Variants in CFAP47 observed in about 807,000 individuals in gnomAD.
The protein encoded by CFAP47 is cilia and flagella associated protein 47, also known as cilia- and flagella-associated protein 47.
Under a neutral mutation model 148.1 loss-of-function variants are expected in CFAP47, and 29 were observed. The observed-to-expected ratio is 0.20, with a 90% CI of 0.15 to 0.27. The LOEUF (loss-of-function observed/expected upper bound fraction) is 0.27, where lower values mean the gene tolerates loss of function less well. CFAP47 is among the 10% of genes least tolerant of loss of function. The pLI is 1.00. For synonymous variants in CFAP47, 664 were observed against 577.3 expected (o/e 1.15, Z -2.15); for missense variants, 1,872 against 1,697.5 (o/e 1.10, Z -1.81).
At chrX:35,990,646 C>T (rs1444059055) in intron 16 of CFAP47, among the ~76,000 whole-genome samples, 1 of 111,422 alleles carries the variant, frequency 9.0e-6, no homozygotes, top group Non-Finnish European at 1.9e-5. Context: ...TTTCCTTTTG[C>T]ACTGCACATG....
chrX:35,937,679 A>G (rs187108451), intron 2 of CFAP47, among the ~76,000 whole-genome samples: 34 of 111,037 alleles, frequency 3.1e-4, no homozygotes, highest in African/African-American at 1.1e-3. Flanking sequence ...TCTAAATTGT[A>G]TATACTCAGT....
rs2146874953 is a variant in CFAP47, at chrX:36,189,986, T to C, written c.6176-65T>C. The stretch of plus-strand genomic sequence containing the variant: ...ATGAACATTTTTTGATACCAAAACT[T>C]TAATCACTAAATGAACAGCACTTAC... On this transcript the variant is annotated intron_variant, in intron 41 of 63. Transcript: ENST00000378653. The C allele has an allele frequency of 1.0e-5, 3 of 293,656 alleles. No individual in the cohort carries two copies. In the East Asian group the frequency reaches 1.4e-4, roughly 14 times the overall value. 24.2% of individuals were successfully genotyped at this position (293,656 alleles called of 1,213,427 possible).
intron 24 of CFAP47, among the ~76,000 whole-genome samples, chrX:36,038,407 G>A (rs1937363754): frequency 8.9e-6 from 1 of 112,356 alleles, no homozygotes; most frequent in South Asian, 3.7e-4. Context: ...TCAGCTTCCC[G>A]TGTTGAGCCC....
At chrX:36,059,971 C>G (rs894159800) in intron 26 of CFAP47, among the ~76,000 whole-genome samples, 9 of 111,142 alleles carry the variant, frequency 8.1e-5, no homozygotes, top group Non-Finnish European at 1.5e-4. Flanking sequence ...ACTCCTCCCT[C>G]TCTTCCTTCC....
At chrX:36,209,266 C>T (rs1295124520) in intron 45 of CFAP47, among the ~76,000 whole-genome samples, 14 of 111,148 alleles carry the variant, frequency 1.3e-4, no homozygotes, top group African/African-American at 4.2e-4. Flanking sequence ...TTATTATATT[C>T]GTCACATTAG....
At chrX:36,029,797 C>A (rs1187960791) in intron 22 of CFAP47, among the ~76,000 whole-genome samples, 1 of 109,776 alleles carries the variant, frequency 9.1e-6, no homozygotes, top group Non-Finnish European at 1.9e-5. Flanking sequence ...TTGCCATTTT[C>A]CTCATCTTTT....
chrX:35,975,135 A>T lies in CFAP47; in HGVS notation c.2255-12A>T, dbSNP rs908759901. On this transcript the variant is annotated splice_polypyrimidine_tract_variant and intron_variant, in intron 13 of 63. Transcript: ENST00000378653. ...CTTTAAACTTAACAAAATACTTTTC[A>T]TTTTTTTTCAGGGCCTTCTGTCCTT... is the stretch of plus-strand genomic sequence containing the variant. 1.0e-5 allele frequency: 11 copies of T among 1,053,308 alleles called. No individual in the cohort carries two copies. Among genetic ancestry groups the T allele is most frequent in the Admixed American group, 5.9e-5 (2 of 33,977 alleles). 86.8% of individuals were successfully genotyped at this position (1,053,308 alleles called of 1,213,427 possible). A position where few individuals can be genotyped will look rare whatever the true frequency, so the allele number is the denominator to read the frequency against.
intron 45 of CFAP47, among the ~76,000 whole-genome samples, chrX:36,225,158 T>G (rs147136367): frequency 0.015 from 1,632 of 111,548 alleles, 18 homozygotes; most frequent in African/African-American, 0.05. Flanking sequence ...CTGAGTTGAG[T>G]AGGGATGGAA....
chrX:36,285,495 T>G (rs782532522), intron 50 of CFAP47, 134 bp from the exon 51 acceptor site: 47 of 394,597 alleles, frequency 1.2e-4, no homozygotes, highest in African/African-American at 1.0e-3. Context: ...TTCTCACCCT[T>G]TCTTCAGCTG....
intron 45 of CFAP47, among the ~76,000 whole-genome samples, chrX:36,225,877 C>CA (rs1262503056): frequency 2.7e-5 from 3 of 110,795 alleles, no homozygotes; most frequent in Non-Finnish European, 5.7e-5. Flanking sequence ...GTCTTGAGAG[C>CA]AAGTAGTTTG....
intron 22 of CFAP47, among the ~76,000 whole-genome samples, chrX:36,022,946 T>C (rs1937175898): frequency 8.9e-6 from 1 of 112,479 alleles, no homozygotes; most frequent in African/African-American, 3.2e-5. Context: ...TGTTTCTGAT[T>C]CTCCAGGATT....
intron 55 of CFAP47, among the ~76,000 whole-genome samples, chrX:36,308,565 C>T: frequency 9.0e-6 from 1 of 111,275 alleles, no homozygotes; most frequent in Non-Finnish European, 1.9e-5. Context: ...TATGTATGAA[C>T]AGGCATCTAA....
rs143578282 is a variant in CFAP47, at chrX:36,220,764, A to G, written c.6818-7864A>G. Among the ~76,000 whole-genome samples the G allele has an allele frequency of 6.5e-3, 723 of 111,727 alleles. 10 individuals are homozygous for G. The highest frequency in any genetic ancestry group is 0.022 in the African/African-American group (685 of 30,875). On this transcript the variant is annotated intron_variant, in intron 45 of 63. Transcript: ENST00000378653. Reference sequence around the variant, plus strand: ...ACAATAGAAGAATACCTAAATTTACACGTAGATAGATAGGTCATAGTGAAA... The same window carrying G: ...ACAATAGAAGAATACCTAAATTTACGCGTAGATAGATAGGTCATAGTGAAA...
chrX:36,071,720 AG>A, intron 27 of CFAP47, 104 bp from the exon 28 acceptor site: 1 of 643,509 alleles, frequency 1.6e-6, no homozygotes, highest in African/African-American at 2.3e-5. Flanking sequence ...ATACATAGAT[AG>A]ATATATACAT....
At chrX:35,998,493 G>A (rs773784002) in intron 19 of CFAP47, among the ~76,000 whole-genome samples, 1 of 111,252 alleles carries the variant, frequency 9.0e-6, no homozygotes, top group Non-Finnish European at 1.9e-5. Context: ...GGGGCTATTT[G>A]TACTTTTGTT....
chrX:35,994,391 T>G (rs1936822991), intron 18 of CFAP47, among the ~76,000 whole-genome samples: 1 of 112,298 alleles, frequency 8.9e-6, no homozygotes, highest in Admixed American at 9.4e-5. Flanking sequence ...TTGGTCAATC[T>G]TATGATCAAC....
At chrX:36,213,527 A>G (rs1437636045) in intron 45 of CFAP47, among the ~76,000 whole-genome samples, 1 of 111,908 alleles carries the variant, frequency 8.9e-6, no homozygotes, top group East Asian at 2.8e-4. Context: ...TATTAGAATA[A>G]ATTGGGGAAC....
chrX:36,000,714 A>G (rs889501690), intron 20 of CFAP47, among the ~76,000 whole-genome samples: 37 of 112,120 alleles, frequency 3.3e-4, no homozygotes, highest in Middle Eastern at 4.7e-3. Flanking sequence ...CCTTAAATGA[A>G]CATAAAATTA....
intron 18 of CFAP47, among the ~76,000 whole-genome samples, chrX:35,995,879 G>C (rs1383235054): frequency 9.0e-6 from 1 of 111,194 alleles, no homozygotes; most frequent in East Asian, 2.8e-4. Flanking sequence ...GGTGAATTGG[G>C]GTTGATTGGG....
Sources: allele counts gnomAD v4.1 joint callset (sites outside exome capture counted in the v4.1 genomes callset), GRCh38; gene constraint gnomAD v4.1.1; transcripts MANE v1.5; gene names NCBI Gene and HGNC (gene_info 2026-07-23, HGNC 2026-07-21).